Variants in PRPF6 observed in about 807,000 individuals in gnomAD.
PRPF6 encodes the protein pre-mRNA-processing factor 6.
In PRPF6, 42 loss-of-function variants were observed where a neutral mutation model predicts 118.3. That is an observed-to-expected ratio of 0.35 (90% CI 0.28 to 0.46). The LOEUF (loss-of-function observed/expected upper bound fraction) is 0.46, where lower values mean the gene tolerates loss of function less well. Ranked by LOEUF, PRPF6 falls within the 20% of genes least tolerant of loss-of-function variation. The probability of loss-of-function intolerance (pLI) is 1.00; values close to 1 mark genes in which losing one functional copy is unlikely to be tolerated. For synonymous variants in PRPF6, 481 were observed against 485.1 expected (o/e 0.99, Z 0.11); for missense variants, 662 against 1,255.7 (o/e 0.53, Z 7.15).
intron 12 of PRPF6, among the ~76,000 whole-genome samples, chr20:64,020,138 G>T (rs1013539395): frequency 3.3e-5 from 5 of 152,204 alleles, no homozygotes; most frequent in African/African-American, 7.2e-5. Context: ...TCAGCGGCCG[G>T]GCGCAGTGGC....
chr20:63,996,138 C>T (rs2059140103), intron 6 of PRPF6, among the ~76,000 whole-genome samples: 1 of 151,846 alleles, frequency 6.6e-6, no homozygotes, highest in African/African-American at 2.4e-5. Context: ...GAACATACTA[C>T]TTTTGGCCTG....
chr20:64,007,569 C>T (rs1361193246), intron 9 of PRPF6, among the ~76,000 whole-genome samples: 3 of 151,406 alleles, frequency 2.0e-5, no homozygotes, highest in African/African-American at 7.3e-5. Context: ...TGGGCTCAAG[C>T]GATTCTCCCA....
intron 12 of PRPF6, among the ~76,000 whole-genome samples, chr20:64,020,902 T>A (rs1418113847): frequency 6.6e-6 from 1 of 151,488 alleles, no homozygotes; most frequent in Non-Finnish European, 1.5e-5. Context: ...TTTTCATGCC[T>A]CAGCCTCCCA....
chr20:63,987,741 A>G (rs2059101086), intron 3 of PRPF6, among the ~76,000 whole-genome samples: 1 of 152,158 alleles, frequency 6.6e-6, no homozygotes, highest in African/African-American at 2.4e-5. Flanking sequence ...GGAACTGACA[A>G]ATTGATTAAA....
At chr20:64,014,150 G>A (rs557119273) in intron 11 of PRPF6, among the ~76,000 whole-genome samples, 1 of 152,048 alleles carries the variant, frequency 6.6e-6, no homozygotes, top group South Asian at 2.1e-4. Flanking sequence ...ATGTTGTTCA[G>A]GCTGGTCTCA....
chr20:63,987,117 C>G (rs2059097528), intron 3 of PRPF6, among the ~76,000 whole-genome samples: 1 of 131,388 alleles, frequency 7.6e-6, no homozygotes, highest in Non-Finnish European at 1.6e-5. Context: ...TTGCAGTGAG[C>G]TGAGATCATA....
Position 63,981,444 on chromosome 20 carries a change from C to T in PRPF6, c.71+128C>T, listed in dbSNP as rs932096438. Reference sequence around the variant, plus strand: ...GACGCTTGGTGGATCGGCTTAATCCCTGCAGGAAGCAACGGGCTTTGGGGT... The same window carrying T: ...GACGCTTGGTGGATCGGCTTAATCCTTGCAGGAAGCAACGGGCTTTGGGGT... On this transcript the variant is annotated intron_variant, in intron 1 of 20. Coordinates refer to ENST00000266079, the MANE Select transcript of PRPF6 (RefSeq NM_012469.4). 11 of 905,422 alleles carry T rather than the reference C, an allele frequency of 1.2e-5. No individual in the cohort carries two copies. In the Admixed American group the frequency reaches 1.6e-4, roughly 13 times the overall value. The allele number at this position is 905,422 out of a possible 1,614,324, so 56.1% of individuals were successfully genotyped here.
intron 9 of PRPF6, among the ~76,000 whole-genome samples, chr20:64,002,536 A>G: frequency 6.8e-6 from 1 of 146,296 alleles, no homozygotes. Context: ...GGGTTTCCCC[A>G]TGTTGGCCGG....
intron 12 of PRPF6, among the ~76,000 whole-genome samples, chr20:64,017,689 T>A (rs923438146): frequency 6.6e-6 from 1 of 152,270 alleles, no homozygotes; most frequent in Non-Finnish European, 1.5e-5. Context: ...GGCCGCAGAT[T>A]TGCTTTCTTA....
intron 8 of PRPF6, among the ~76,000 whole-genome samples, chr20:64,000,629 C>T (rs1340875671): frequency 2.0e-5 from 3 of 150,318 alleles, no homozygotes; most frequent in Non-Finnish European, 4.4e-5. Flanking sequence ...AGTACAGTGG[C>T]GTGATCTCAG....
intron 20 of PRPF6, among the ~76,000 whole-genome samples, chr20:64,032,334 C>T (rs533144341): frequency 6.6e-6 from 1 of 152,356 alleles, no homozygotes; most frequent in African/African-American, 2.4e-5. Context: ...TATTTGCTGG[C>T]TGGAGCCTGG....
At chr20:64,021,139 ATG>A (rs376035603) in intron 12 of PRPF6, among the ~76,000 whole-genome samples, 3 of 151,854 alleles carry the variant, frequency 2.0e-5, no homozygotes, top group African/African-American at 4.8e-5. Context: ...CAGTTACAGC[ATG>A]TGTGTGTGTG....
chr20:63,981,650 CCCCGCCCGCCCG>C, intron 1 of PRPF6, among the ~76,000 whole-genome samples: 1 of 145,362 alleles, frequency 6.9e-6, no homozygotes, highest in South Asian at 2.3e-4. Context: ...CACTCCCCCC[CCCCGCCCGCCCG>C]CCCGCCCCGC....
rs1158030989 is a variant in PRPF6 at position 63,994,158 on chromosome 20, C to CT, written c.438+689dup. Among the ~76,000 whole-genome samples, 489 of 138,346 alleles carry CT rather than the reference C, an allele frequency of 3.5e-3. 1 individual carries two copies. The highest frequency in any genetic ancestry group is 6.2e-3 in the African/African-American group (234 of 38,000). The allele number at this position is 138,346 out of a possible 152,430, so 90.8% of individuals were successfully genotyped here. ...ATAAATTGATTTTTCTTTTCTTTTT[C>CT]TTTTTTTTTTTTTTTTGAGACGGAG... is the stretch of plus-strand genomic sequence containing the variant. On this transcript the variant is annotated intron_variant, in intron 4 of 20. Coordinates refer to ENST00000266079, the MANE Select transcript of PRPF6 (RefSeq NM_012469.4).
intron 9 of PRPF6, among the ~76,000 whole-genome samples, chr20:64,009,114 T>G (rs890426538): frequency 6.6e-6 from 1 of 151,498 alleles, no homozygotes; most frequent in Non-Finnish European, 1.5e-5. Context: ...AAACCCTGTC[T>G]CTGCTAAAAT....
rs1335002750 is a variant in PRPF6 at position 64,027,487 on chromosome 20, T to C, written c.2206-116T>C. On this transcript the variant is annotated intron_variant, in intron 16 of 20. Transcript: ENST00000266079. This position sits in a 1 kb window ranked among gnomAD's most constrained non-coding sequence, Gnocchi z 6.5. ...GCAGAGTGTGAGGGGTGTTTTTCCA[T>C]GGACATGGCAGCCCTGAGGGACTCG... is the stretch of plus-strand genomic sequence containing the variant. 1.4e-6 allele frequency: 2 copies of C among 1,468,544 alleles called. No homozygotes were observed. Among genetic ancestry groups the C allele is most frequent in the East Asian group, 2.3e-5 (1 of 44,076 alleles). 91.0% of individuals were successfully genotyped at this position (1,468,544 alleles called of 1,614,324 possible).
intron 13 of PRPF6, 77 bp downstream of exon 13, chr20:64,022,955 T>C: frequency 6.2e-7 from 1 of 1,604,438 alleles, no homozygotes; most frequent in Non-Finnish European, 8.5e-7. Context: ...AATTTAAACC[T>C]CTCATGTCTG....
At chr20:64,003,232 G>A (rs116708014) in intron 9 of PRPF6, among the ~76,000 whole-genome samples, 1,985 of 152,268 alleles carry the variant, frequency 0.013, 54 homozygotes, top group African/African-American at 0.043. Flanking sequence ...ATCAGCCGTC[G>A]CATCCAGCCT....
At position 64,029,929 on chromosome 20, in the gene PRPF6, A is replaced by G. The variant is rs2059307874; in HGVS notation, c.2546+438A>G. Among the ~76,000 whole-genome samples, 2 of 151,308 alleles carry G rather than the reference A, an allele frequency of 1.3e-5. No homozygotes were observed. The highest frequency in any genetic ancestry group is 2.4e-5 in the African/African-American group (1 of 41,114). On this transcript the variant is annotated intron_variant, in intron 19 of 20. Transcript: ENST00000266079. This position sits in a 1 kb window ranked among gnomAD's most constrained non-coding sequence, Gnocchi z 4.8. Reference sequence around the variant, plus strand: ...GACTCACTGGGGACACATGTGATTCACACTGGTGTGCTGGCCGCCGGGTCA... The same window carrying G: ...GACTCACTGGGGACACATGTGATTCGCACTGGTGTGCTGGCCGCCGGGTCA...
Sources: gnomAD v4.1 joint callset for allele counts (sites outside exome capture counted in the v4.1 genomes callset) on GRCh38, gnomAD v4.1.1 for gene constraint, Gnocchi (gnomAD v3.1) non-coding constraint, MANE v1.5 for transcripts, NCBI Gene and HGNC (gene_info 2026-07-23, HGNC 2026-07-21) for gene names.